GALNT14: variants seen among roughly 807,000 people sequenced by gnomAD.
The protein encoded by GALNT14 is UDP-GalNAc:polypeptide N-acetylgalactosaminyltransferase 14.
A neutral mutation model predicts 77.5 loss-of-function variants in GALNT14; 60 were observed. The observed-to-expected ratio is 0.77, with a 90% CI of 0.63 to 0.96. The LOEUF (loss-of-function observed/expected upper bound fraction) is 0.96, where lower values mean the gene tolerates loss of function less well. Among genes scored for constraint, GALNT14 ranks in the 40% least tolerant of loss-of-function variants. The pLI is 0.00. For synonymous variants in GALNT14, 280 were observed against 281.7 expected, an observed-to-expected ratio of 0.99 and a Z score of 0.06; for missense variants, 710 against 731.0, an observed-to-expected ratio of 0.97 and a Z score of 0.33.
rs534090185 is a variant in GALNT14 at position 31,045,846 on chromosome 2, C to A, written c.130-52839G>T. ...TAAAGTAAAATGTAAAATTTTACAA[C>A]AGGAACCATATGAAACCTCTGTGGT... On this transcript the variant is annotated intron_variant, in intron 1 of 14. Transcript: ENST00000349752. Among the ~76,000 whole-genome samples, 38 of 152,250 alleles carry A rather than the reference C, an allele frequency of 2.5e-4. 1 individual carries two copies. Among genetic ancestry groups the A allele is most frequent in the Admixed American group, 2.6e-4 (4 of 15,290 alleles).
At chr2:31,020,164 G>A (rs1206881566) in intron 1 of GALNT14, among the ~76,000 whole-genome samples, 6 of 152,160 alleles carry the variant, frequency 3.9e-5, no homozygotes, top group African/African-American at 1.4e-4. Context: ...TCAGAGAAGT[G>A]TGTTTTGCAG....
the GALNT14 span, among the ~76,000 whole-genome samples, chr2:30,886,915 C>T: frequency 2.6e-5 from 4 of 152,224 alleles, no homozygotes; most frequent in South Asian, 2.1e-4. Flanking sequence ...TTCCATTTCC[C>T]CAAGCCCCTG....
intron 2 of GALNT14, among the ~76,000 whole-genome samples, chr2:30,982,661 C>T (rs142943515): frequency 3.3e-5 from 5 of 152,072 alleles, no homozygotes; most frequent in South Asian, 2.1e-4. Context: ...TGATGGGGCA[C>T]GGGCATAAGG....
In GALNT14 at chr2:31,138,365, G is replaced by A. The variant is rs1055497248; in HGVS notation, c.-279C>T. 1.8e-5 allele frequency: 8 copies of A among 440,720 alleles called. No individual in the cohort carries two copies. Among genetic ancestry groups the A allele is most frequent in the South Asian group, 2.9e-5 (1 of 34,188 alleles). 27.3% of individuals were successfully genotyped at this position (440,720 alleles called of 1,614,324 possible). The stretch of plus-strand genomic sequence containing the variant: ...CAGCGGGAGAAGCGCGGTGGCTGCC[G>A]AGATGTTCCCCACGCCGCCACCGCG... On this transcript the variant is annotated 5_prime_UTR_variant, in exon 1 of 15. Coordinates refer to ENST00000349752, the MANE Select transcript of GALNT14 (RefSeq NM_024572.4).
At chr2:31,024,524 A>G (rs1264414683) in intron 1 of GALNT14, among the ~76,000 whole-genome samples, 2 of 151,906 alleles carry the variant, frequency 1.3e-5, no homozygotes, top group Non-Finnish European at 2.9e-5. Flanking sequence ...TGCTCCTTCT[A>G]CCTGGAATGC....
At chr2:31,114,829 T>C (rs1377758958) in intron 1 of GALNT14, 1 of 717,180 alleles carries the variant, frequency 1.4e-6, no homozygotes, top group African/African-American at 1.7e-5. Flanking sequence ...GGTGTCCTCC[T>C]AAGTCCCAAA....
intron 1 of GALNT14, among the ~76,000 whole-genome samples, chr2:30,994,521 G>A (rs1669904304): frequency 6.6e-6 from 1 of 152,206 alleles, no homozygotes; most frequent in Non-Finnish European, 1.5e-5. Context: ...ATAAAATGAA[G>A]CTTTGGAGAC....
intron 1 of GALNT14, among the ~76,000 whole-genome samples, chr2:31,046,270 A>G (rs921128412): frequency 2.1e-5 from 3 of 140,978 alleles, no homozygotes; most frequent in Non-Finnish European, 4.5e-5. Flanking sequence ...TCTGTCGCCC[A>G]GGCTGGAGTG....
chr2:30,983,664 A>G (rs575694722), intron 2 of GALNT14, among the ~76,000 whole-genome samples: 37 of 152,174 alleles, frequency 2.4e-4, no homozygotes, highest in Non-Finnish European at 4.6e-4. Flanking sequence ...TATGGCTGAA[A>G]TGTAGTATTT....
chr2:30,969,322 G>A (rs1005712987), intron 2 of GALNT14, among the ~76,000 whole-genome samples: 5 of 152,204 alleles, frequency 3.3e-5, no homozygotes, highest in African/African-American at 4.8e-5. Context: ...GGGTTAGGAC[G>A]AAGGCACTGC....
intron 13 of GALNT14, among the ~76,000 whole-genome samples, chr2:30,915,551 C>T (rs1409713362): frequency 1.3e-5 from 2 of 152,150 alleles, no homozygotes; most frequent in African/African-American, 2.4e-5. Context: ...TTCGGATTTC[C>T]ATTCTGCAGC....
At chr2:31,093,281 G>A (rs1035919463) in intron 1 of GALNT14, among the ~76,000 whole-genome samples, 3 of 152,204 alleles carry the variant, frequency 2.0e-5, no homozygotes, top group Admixed American at 6.5e-5. Flanking sequence ...GCAGTCCCTG[G>A]CTCCAAACTC....
intron 1 of GALNT14, among the ~76,000 whole-genome samples, chr2:31,125,987 T>C (rs539075326): frequency 6.6e-6 from 1 of 152,352 alleles, no homozygotes; most frequent in Admixed American, 6.5e-5. Flanking sequence ...AAAAATGTGA[T>C]ACTTTGGAGA....
intron 1 of GALNT14, among the ~76,000 whole-genome samples, chr2:31,005,701 C>T (rs111656454): frequency 0.017 from 2,643 of 152,272 alleles, 30 homozygotes; most frequent in Middle Eastern, 0.027. Flanking sequence ...GGGTGCCTCA[C>T]CTCACTGTCC....
At chr2:31,016,516 A>G (rs1671369582) in intron 1 of GALNT14, among the ~76,000 whole-genome samples, 1 of 152,086 alleles carries the variant, frequency 6.6e-6, no homozygotes, top group Admixed American at 6.5e-5. Context: ...GGGATGAACC[A>G]CAGTGGGTGC....
chr2:31,046,305 C>G (rs1249098102), intron 1 of GALNT14, among the ~76,000 whole-genome samples: 3 of 150,950 alleles, frequency 2.0e-5, no homozygotes, highest in African/African-American at 7.3e-5. Context: ...CTGCTCACTG[C>G]AACCTCCACC....
intron 6 of GALNT14, among the ~76,000 whole-genome samples, chr2:30,948,932 G>T (rs1411574190): frequency 6.6e-6 from 1 of 152,172 alleles, no homozygotes; most frequent in Non-Finnish European, 1.5e-5. Flanking sequence ...GCCATGCATG[G>T]GCTCTGTCTC....
the GALNT14 span, among the ~76,000 whole-genome samples, chr2:30,895,953 T>C: frequency 6.6e-6 from 1 of 152,172 alleles, no homozygotes. Flanking sequence ...CCACGTCAAT[T>C]GGGAGGCATG....
At chr2:30,939,289 A>C (rs1297669362) in intron 9 of GALNT14, among the ~76,000 whole-genome samples, 1 of 152,152 alleles carries the variant, frequency 6.6e-6, no homozygotes, top group Admixed American at 6.5e-5. Flanking sequence ...GGGCAGGGAA[A>C]GCTTTCTGGT....
Sources: gnomAD v4.1 joint callset for allele counts (sites outside exome capture counted in the v4.1 genomes callset) on GRCh38, gnomAD v4.1.1 for gene constraint, MANE v1.5 for transcripts, NCBI Gene and HGNC (gene_info 2026-07-23, HGNC 2026-07-21) for gene names.